The following VPS13B variants were observed in gnomAD, a reference collection of about 807,000 sequenced individuals.
VPS13B encodes vacuolar protein sorting 13 homolog B, also known as intermembrane lipid transfer protein VPS13B.
In VPS13B, 285 loss-of-function variants were observed where a neutral mutation model predicts 426.4. That is an observed-to-expected ratio of 0.67 (90% CI 0.61 to 0.74). The LOEUF (loss-of-function observed/expected upper bound fraction) is 0.74, where lower values mean the gene tolerates loss of function less well. Among genes scored for constraint, VPS13B ranks in the 30% least tolerant of loss-of-function variants. The pLI is 0.00. For synonymous variants in VPS13B, 1,676 were observed against 1,676.4 expected, an observed-to-expected ratio of 1.00 and a Z score of 0.01; for missense variants, 4,537 against 4,782.6, an observed-to-expected ratio of 0.95 and a Z score of 1.51.
At chr8:99,521,337 C>G (rs892837587) in intron 30 of VPS13B, among the ~76,000 whole-genome samples, 1 of 152,150 alleles carries the variant, frequency 6.6e-6, no homozygotes, top group Non-Finnish European at 1.5e-5. Flanking sequence ...GTAGAACCAC[C>G]ACATCCTACT....
At chr8:99,605,586 A>G (rs1477361725) in intron 33 of VPS13B, among the ~76,000 whole-genome samples, 6 of 152,296 alleles carry the variant, frequency 3.9e-5, no homozygotes, top group African/African-American at 1.4e-4. Context: ...CCATCATTCT[A>G]GTTTTTTCCT....
At chr8:99,387,750 A>T (rs1339891572) in intron 20 of VPS13B, among the ~76,000 whole-genome samples, 1 of 152,152 alleles carries the variant, frequency 6.6e-6, no homozygotes, top group Non-Finnish European at 1.5e-5. Context: ...AAAATCTGTT[A>T]GGTGAAAAAA....
intron 8 of VPS13B, among the ~76,000 whole-genome samples, chr8:99,132,308 C>T (rs1225424495): frequency 6.6e-6 from 1 of 152,114 alleles, no homozygotes; most frequent in Non-Finnish European, 1.5e-5. Flanking sequence ...AACAATGTTC[C>T]CAGCATCTTC....
At chr8:99,111,504 T>C (rs1218892539) in intron 6 of VPS13B, among the ~76,000 whole-genome samples, 1 of 150,920 alleles carries the variant, frequency 6.6e-6, no homozygotes, top group Non-Finnish European at 1.5e-5. Flanking sequence ...TCTGTAATTG[T>C]TTTTTTTTAG....
At chr8:99,389,902 C>T (rs1204874659) in intron 20 of VPS13B, among the ~76,000 whole-genome samples, 1 of 151,756 alleles carries the variant, frequency 6.6e-6, no homozygotes, top group Admixed American at 6.6e-5. Context: ...TCTAGTCCAC[C>T]CCCCCTCCTT....
chr8:99,445,445 A>G (rs2133447459), intron 23 of VPS13B, among the ~76,000 whole-genome samples: 1 of 149,726 alleles, frequency 6.7e-6, no homozygotes, highest in East Asian at 1.9e-4. Context: ...AGCCTAGGCA[A>G]CAGAGCAAGA....
At chr8:99,055,453 T>C (rs555910897) in intron 3 of VPS13B, among the ~76,000 whole-genome samples, 10 of 152,340 alleles carry the variant, frequency 6.6e-5, no homozygotes, top group African/African-American at 2.4e-4. Flanking sequence ...ATAGGGATTG[T>C]ACTGAATCTG....
chr8:99,210,501 A>G (rs537666329), intron 17 of VPS13B, among the ~76,000 whole-genome samples: 23 of 152,164 alleles, frequency 1.5e-4, no homozygotes, highest in Non-Finnish European at 3.2e-4. Flanking sequence ...ATAGTCTCAC[A>G]TTTGGTGCCA....
chr8:99,832,226 C>T, intron 51 of VPS13B, 143 bp from the exon 52 acceptor site: 3 of 1,222,930 alleles, frequency 2.5e-6, no homozygotes, highest in Non-Finnish European at 3.3e-6. Flanking sequence ...GGTGCCACTG[C>T]ACTCCCGCCT....
intron 42 of VPS13B, among the ~76,000 whole-genome samples, chr8:99,781,861 C>A (rs958375680): frequency 3.6e-4 from 54 of 152,076 alleles, no homozygotes; most frequent in African/African-American, 1.2e-3. Context: ...GAATCATATC[C>A]CTTTCTTCAT....
intron 22 of VPS13B, 63 bp downstream of exon 22, chr8:99,431,727 T>C: frequency 3.9e-6 from 6 of 1,533,388 alleles, no homozygotes; most frequent in Non-Finnish European, 5.3e-6. Context: ...TTCCCAGCAT[T>C]GTTAATATTG....
intron 31 of VPS13B, among the ~76,000 whole-genome samples, chr8:99,557,035 G>A (rs1365946641): frequency 1.3e-5 from 2 of 152,058 alleles, no homozygotes; most frequent in African/African-American, 2.4e-5. Context: ...TGAATACTCT[G>A]CAAAGTTATG....
chr8:99,530,429 A>G (rs755319237), intron 30 of VPS13B, among the ~76,000 whole-genome samples: 21 of 152,134 alleles, frequency 1.4e-4, no homozygotes, highest in Non-Finnish European at 2.5e-4. Context: ...AGCCTGGACA[A>G]CATGGTGAAA....
chr8:99,457,557 G>T (rs1231438316), intron 23 of VPS13B, among the ~76,000 whole-genome samples: 1 of 151,454 alleles, frequency 6.6e-6, no homozygotes, highest in Admixed American at 6.6e-5. Flanking sequence ...TAATTTCGTT[G>T]ATTTTTTTCT....
At chr8:99,111,767 T>A (rs1338486416) in intron 6 of VPS13B, among the ~76,000 whole-genome samples, 4 of 152,158 alleles carry the variant, frequency 2.6e-5, no homozygotes, top group African/African-American at 9.6e-5. Flanking sequence ...AAAATGTAAT[T>A]AAAATCTTAG....
chr8:99,053,406 C>T (rs200119426), intron 3 of VPS13B, among the ~76,000 whole-genome samples: 1 of 151,864 alleles, frequency 6.6e-6, no homozygotes, highest in Non-Finnish European at 1.5e-5. Context: ...GGTTTTTTGT[C>T]CTTGCGATAG....
At chr8:99,732,717 C>T (rs889592664) in intron 39 of VPS13B, among the ~76,000 whole-genome samples, 4 of 152,180 alleles carry the variant, frequency 2.6e-5, no homozygotes, top group Admixed American at 6.5e-5. Flanking sequence ...AGTTCATTAA[C>T]GAAAGGTCTG....
At chr8:99,368,778 T>A (rs529770864) in intron 19 of VPS13B, among the ~76,000 whole-genome samples, 1 of 152,204 alleles carries the variant, frequency 6.6e-6, no homozygotes, top group Non-Finnish European at 1.5e-5. Flanking sequence ...CTTGAGATTT[T>A]ATTTTTCCCC....
chr8:99,512,579 G>T (rs954551296), intron 29 of VPS13B, among the ~76,000 whole-genome samples: 1 of 152,118 alleles, frequency 6.6e-6, no homozygotes, highest in African/African-American at 2.4e-5. Context: ...TAAAAGATTG[G>T]GGAGATTGTC....
Sources: allele counts gnomAD v4.1 joint callset (sites outside exome capture counted in the v4.1 genomes callset), GRCh38; gene constraint gnomAD v4.1.1; transcripts MANE v1.5; gene names NCBI Gene and HGNC (gene_info 2026-07-23, HGNC 2026-07-21).